The following EP300 variants were observed in gnomAD, a reference collection of about 807,000 sequenced individuals.
The protein encoded by EP300 is EP300 lysine acetyltransferase.
EP300 carries 31 observed loss-of-function variants against 264.0 expected under a neutral mutation model. The ratio of observed to expected loss-of-function variants is 0.12; its 90% CI spans 0.09 to 0.16. EP300 has a LOEUF of 0.16. EP300 is among the 10% of genes least tolerant of loss of function. The pLI, the probability that EP300 is intolerant of heterozygous loss-of-function variation, is 1.00. For missense variants in EP300, 2,766 were observed against 3,052.9 expected (o/e 0.91, Z 2.21); for synonymous variants, 1,340 against 1,045.4 (o/e 1.28, Z -5.44).
intron 16 of EP300, among the ~76,000 whole-genome samples, chr22:41,154,104 A>G (rs908918947): frequency 3.9e-5 from 6 of 152,326 alleles, no homozygotes; most frequent in African/African-American, 7.2e-5. Context: ...AACTAAGTCT[A>G]TTATTTTAGC....
chr22:41,100,956 A>G (rs2058728618), intron 1 of EP300, among the ~76,000 whole-genome samples: 1 of 152,194 alleles, frequency 6.6e-6, no homozygotes, highest in Non-Finnish European at 1.5e-5. Context: ...GATGTCTTGT[A>G]TACGTAAGTA....
chr22:41,168,101 C>T, intron 23 of EP300: 1 of 345,252 alleles, frequency 2.9e-6, no homozygotes, highest in Non-Finnish European at 5.6e-6. Context: ...GGATTACAGG[C>T]ATGAGCTACC....
chr22:41,167,505 T>G (rs1414719235), intron 23 of EP300, among the ~76,000 whole-genome samples: 1 of 149,374 alleles, frequency 6.7e-6, no homozygotes, highest in South Asian at 2.1e-4. Flanking sequence ...TTCGTTACTT[T>G]AAAATATTAC....
At chr22:41,130,306 TCC>T (rs2058911046) in intron 5 of EP300, among the ~76,000 whole-genome samples, 1 of 149,692 alleles carries the variant, frequency 6.7e-6, no homozygotes, top group East Asian at 2.0e-4. Flanking sequence ...ATGCCTGTCA[TCC>T]CAACAGTTTT....
At chr22:41,094,688 T>C (rs1450260443) in intron 1 of EP300, among the ~76,000 whole-genome samples, 1 of 152,228 alleles carries the variant, frequency 6.6e-6, no homozygotes, top group Non-Finnish European at 1.5e-5. Context: ...CTTAATCACC[T>C]GTAGATTTTT....
rs766102030 is a variant in EP300, at chr22:41,179,006, G to C, written c.*50G>C. On this transcript the variant is annotated 3_prime_UTR_variant, in exon 31 of 31. Coordinates refer to ENST00000263253, the MANE Select transcript of EP300 (RefSeq NM_001429.4). ...CAAAAAAATTATTTTCTCTTAACAA[G>C]ACTTTTTGTACTGAAAACAATTTTT... 3 of 1,604,020 alleles carry C rather than the reference G, an allele frequency of 1.9e-6. No individual in the cohort carries two copies. Among genetic ancestry groups the C allele is most frequent in the Non-Finnish European group, 2.5e-6 (3 of 1,176,804 alleles).
Position 41,160,732 on chromosome 22 carries a change from T to A in EP300, c.3671+10T>A, listed in dbSNP as rs2145752644. ...CTTCCCAGCCTCAAACGTAAGTAACTGCATTATTTTGAAAAGTGCTAATTA... is the reference window on the plus strand; with the variant it reads ...CTTCCCAGCCTCAAACGTAAGTAACAGCATTATTTTGAAAAGTGCTAATTA... On this transcript the variant is annotated intron_variant, in intron 20 of 30. Coordinates refer to ENST00000263253, the MANE Select transcript of EP300 (RefSeq NM_001429.4). The A allele has an allele frequency of 6.2e-7, 1 of 1,612,310 alleles. No individual in the cohort carries two copies. Among genetic ancestry groups the A allele is most frequent in the South Asian group, 1.1e-5 (1 of 91,054 alleles).
intron 1 of EP300, among the ~76,000 whole-genome samples, chr22:41,099,252 CAG>C (rs940860605): frequency 1.3e-5 from 2 of 152,058 alleles, no homozygotes; most frequent in Admixed American, 6.6e-5. Flanking sequence ...TTAGTAGAGA[CAG>C]GGAGTCCTGA....
chr22:41,125,839 GTTTTC>G lies in EP300; in HGVS notation c.730-20_730-16del. 1 of 1,608,508 alleles carries G rather than the reference GTTTTC, an allele frequency of 6.2e-7. No individual in the cohort carries two copies. Among genetic ancestry groups the G allele is most frequent in the Non-Finnish European group, 8.5e-7 (1 of 1,176,514 alleles). On this transcript the variant is annotated intron_variant, in intron 2 of 30. Coordinates refer to ENST00000263253, the MANE Select transcript of EP300 (RefSeq NM_001429.4). Reference sequence around the variant, plus strand: ...TGTCTTAAATTTTATTGCTTATTTTGTTTTCTTTTGTTTCTTACTCTTAGATGGGA... The same window carrying G: ...TGTCTTAAATTTTATTGCTTATTTTGTTTTGTTTCTTACTCTTAGATGGGA...
intron 30 of EP300, 49 bp from the exon 31 acceptor site, chr22:41,176,724 A>G: frequency 1.2e-6 from 2 of 1,613,460 alleles, no homozygotes; most frequent in Non-Finnish European, 1.7e-6. Context: ...ATACTTTTGA[A>G]TGACTTAAAT....
chr22:41,131,944 TC>T (rs1308717175), intron 6 of EP300, among the ~76,000 whole-genome samples: 1 of 152,088 alleles, frequency 6.6e-6, no homozygotes, highest in East Asian at 1.9e-4. Flanking sequence ...ACACCTGTAA[TC>T]CCAGCACATT....
At chr22:41,170,653 CTTTTTTTTTTTTTTTTT>C in intron 27 of EP300, 82 bp downstream of exon 27, 3 of 391,678 alleles carry the variant, frequency 7.7e-6, no homozygotes, top group Admixed American at 4.6e-5. Context: ...TGTCATTTAA[CTTTTTTTTTTTTTTTTT>C]TTTTTTTTTG....
At chr22:41,094,515 A>G (rs958369952) in intron 1 of EP300, among the ~76,000 whole-genome samples, 1 of 152,246 alleles carries the variant, frequency 6.6e-6, no homozygotes, top group Non-Finnish European at 1.5e-5. Flanking sequence ...TTGATTATGC[A>G]TGAACTTTGA....
intron 7 of EP300, among the ~76,000 whole-genome samples, chr22:41,136,430 A>G (rs1439740847): frequency 6.6e-6 from 1 of 152,212 alleles, no homozygotes; most frequent in African/African-American, 2.4e-5. Context: ...GCTCCATAAT[A>G]GCCTTATCCT....
At chr22:41,167,876 T>C (rs1303726305) in intron 23 of EP300, among the ~76,000 whole-genome samples, 2 of 119,272 alleles carry the variant, frequency 1.7e-5, no homozygotes, top group Non-Finnish European at 3.3e-5. Context: ...CTGTCGCCCA[T>C]AGTGGCGCAG....
At chr22:41,167,638 T>C (rs1330909695) in intron 23 of EP300, among the ~76,000 whole-genome samples, 1 of 90,782 alleles carries the variant, frequency 1.1e-5, no homozygotes, top group African/African-American at 4.1e-5. Context: ...ATATATATAA[T>C]GTTTGGTTGG....
intron 21 of EP300, among the ~76,000 whole-genome samples, chr22:41,163,431 T>A (rs2059118243): frequency 1.2e-5 from 1 of 86,114 alleles, no homozygotes; most frequent in Non-Finnish European, 2.1e-5. Context: ...CGAGACTCCG[T>A]CTCAAAAAAA....
chr22:41,134,574 T>A (rs1158997332), intron 6 of EP300, among the ~76,000 whole-genome samples: 5 of 152,312 alleles, frequency 3.3e-5, no homozygotes, highest in Middle Eastern at 3.4e-3. Flanking sequence ...TTTGTATGTT[T>A]TGTAGAGACA....
At chr22:41,165,547 C>T (rs974669021) in intron 22 of EP300, among the ~76,000 whole-genome samples, 1 of 150,418 alleles carries the variant, frequency 6.6e-6, no homozygotes, top group African/African-American at 2.4e-5. Flanking sequence ...CCTCAGCCTC[C>T]CTAGTAGCTG....
Sources: allele counts gnomAD v4.1 joint callset (sites outside exome capture counted in the v4.1 genomes callset), GRCh38; gene constraint gnomAD v4.1.1; transcripts MANE v1.5; gene names NCBI Gene and HGNC (gene_info 2026-07-23, HGNC 2026-07-21).